PRKD1: variants seen among roughly 807,000 people sequenced by gnomAD.
PRKD1 encodes protein kinase D1, also known as serine/threonine-protein kinase D1.
In PRKD1, 63 loss-of-function variants were observed where a neutral mutation model predicts 95.9. The observed-to-expected ratio is 0.66, with a 90% CI of 0.54 to 0.81. PRKD1 has a LOEUF of 0.81. Ranked by LOEUF, PRKD1 falls within the 30% of genes least tolerant of loss-of-function variation. The probability of loss-of-function intolerance (pLI) is 0.00; values close to 1 mark genes in which losing one functional copy is unlikely to be tolerated. For missense variants in PRKD1, 1,048 were observed against 1,165.3 expected (o/e 0.90, Z 1.47); for synonymous variants, 425 against 423.1 (o/e 1.00, Z -0.05).
intron 1 of PRKD1, among the ~76,000 whole-genome samples, chr14:29,747,736 C>T (rs199521052): frequency 6.6e-6 from 1 of 151,984 alleles, no homozygotes; most frequent in African/African-American, 2.4e-5. Flanking sequence ...CCTTTTTTTA[C>T]TTTATTAATT....
chr14:29,675,807 G>T (rs1348436126), intron 2 of PRKD1, among the ~76,000 whole-genome samples: 13 of 152,120 alleles, frequency 8.5e-5, no homozygotes, highest in South Asian at 2.1e-4. Flanking sequence ...CCATAAAAAA[G>T]GATGAGTTCA....
intron 13 of PRKD1, among the ~76,000 whole-genome samples, chr14:29,621,026 T>A (rs1044008526): frequency 2.0e-5 from 3 of 151,886 alleles, no homozygotes; most frequent in Non-Finnish European, 4.4e-5. Flanking sequence ...AATGATGAGT[T>A]CATGTCCTTT....
At chr14:29,870,616 T>C (rs1893070253) in intron 1 of PRKD1, among the ~76,000 whole-genome samples, 1 of 152,216 alleles carries the variant, frequency 6.6e-6, no homozygotes, top group South Asian at 2.1e-4. Context: ...TCCTTTCATT[T>C]GCTTTGTAAT....
intron 1 of PRKD1, among the ~76,000 whole-genome samples, chr14:29,883,834 T>G (rs1893601854): frequency 6.6e-6 from 1 of 152,304 alleles, no homozygotes; most frequent in East Asian, 1.9e-4. Context: ...TTATGAAAAC[T>G]TCTGCAATCT....
At chr14:29,835,606 T>G (rs1301867698) in intron 1 of PRKD1, among the ~76,000 whole-genome samples, 1 of 152,204 alleles carries the variant, frequency 6.6e-6, no homozygotes, top group African/African-American at 2.4e-5. Flanking sequence ...AGTCTTGCTC[T>G]GTCTCCCAGG....
intron 1 of PRKD1, among the ~76,000 whole-genome samples, chr14:29,836,134 G>T (rs1594563669): frequency 1.3e-5 from 2 of 152,098 alleles, no homozygotes; most frequent in South Asian, 2.1e-4. Context: ...TACAGAGAAG[G>T]CATTTCAAAC....
intron 1 of PRKD1, among the ~76,000 whole-genome samples, chr14:29,913,264 G>A (rs1894783169): frequency 6.6e-6 from 1 of 152,198 alleles, no homozygotes; most frequent in African/African-American, 2.4e-5. Flanking sequence ...TCTATGAAAT[G>A]TAAGTTTTAC....
intron 1 of PRKD1, among the ~76,000 whole-genome samples, chr14:29,813,284 T>A (rs1206332051): frequency 6.6e-6 from 1 of 152,238 alleles, no homozygotes; most frequent in African/African-American, 2.4e-5. Context: ...TTTAAAATGT[T>A]AAATTCTTGA....
intron 16 of PRKD1, among the ~76,000 whole-genome samples, chr14:29,584,788 G>A (rs1409499403): frequency 6.6e-6 from 1 of 152,166 alleles, no homozygotes; most frequent in Non-Finnish European, 1.5e-5. Context: ...TAAGATCAGT[G>A]ACTTCTTTTA....
intron 1 of PRKD1, among the ~76,000 whole-genome samples, chr14:29,782,609 C>T (rs1293410208): frequency 6.6e-6 from 1 of 152,094 alleles, no homozygotes; most frequent in African/African-American, 2.4e-5. Flanking sequence ...TGGGTCACTG[C>T]AGCCTCCACC....
At chr14:29,827,370 G>A (rs1891239150) in intron 1 of PRKD1, among the ~76,000 whole-genome samples, 1 of 152,098 alleles carries the variant, frequency 6.6e-6, no homozygotes, top group African/African-American at 2.4e-5. Context: ...GCAACAGCAT[G>A]TGGGAGTTAT....
Position 29,662,363 on chromosome 14 carries a change from C to A in PRKD1, c.696+1336G>T, listed in dbSNP as rs189880807. ...AAGATGACATAGGATTATTTTAAAA[C>A]ACAGACTTTGACTTAAGCACTTATC... On this transcript the variant is annotated intron_variant, in intron 4 of 17. Coordinates refer to ENST00000331968, the MANE Select transcript of PRKD1 (RefSeq NM_002742.3). Among the ~76,000 whole-genome samples, 27 of 152,192 alleles carry A rather than the reference C, an allele frequency of 1.8e-4. 2 individuals carry two copies. In the East Asian group the frequency reaches 4.8e-3, roughly 27 times the overall value.
chr14:29,630,571 C>A, intron 10 of PRKD1, 171 bp downstream of exon 10: 1 of 722,748 alleles, frequency 1.4e-6, no homozygotes, highest in South Asian at 2.1e-5. Context: ...AACTAAACAT[C>A]TTAGTATGTG....
chr14:29,762,353 C>T (rs972155628), intron 1 of PRKD1, among the ~76,000 whole-genome samples: 2 of 152,122 alleles, frequency 1.3e-5, no homozygotes, highest in Non-Finnish European at 2.9e-5. Flanking sequence ...CTCCAGCCAC[C>T]ACTCTGCATG....
intron 1 of PRKD1, among the ~76,000 whole-genome samples, chr14:29,853,920 T>C (rs1466398953): frequency 6.6e-6 from 1 of 152,190 alleles, no homozygotes; most frequent in Non-Finnish European, 1.5e-5. Flanking sequence ...CCATGTAAGA[T>C]GTAACTTGCT....
chr14:29,894,395 G>A (rs1471166060), intron 1 of PRKD1, among the ~76,000 whole-genome samples: 1 of 152,224 alleles, frequency 6.6e-6, no homozygotes, highest in African/African-American at 2.4e-5. Context: ...TCCTCAGTTG[G>A]AAGCCAGAAG....
intron 1 of PRKD1, among the ~76,000 whole-genome samples, chr14:29,921,314 G>A (rs907092214): frequency 1.3e-5 from 2 of 151,776 alleles, no homozygotes; most frequent in Non-Finnish European, 2.9e-5. Context: ...ACAGAGGGCA[G>A]GAAAAAGATG....
rs1040842441 is a variant in PRKD1 at position 29,912,415 on chromosome 14, CCT to C, written c.264+14832_264+14833del. Among the ~76,000 whole-genome samples the C allele has an allele frequency of 4.6e-5, 7 of 152,210 alleles. No individual in the cohort carries two copies. In the East Asian group the frequency reaches 7.7e-4, roughly 17 times the overall value. ...GTTCCTTTTCAAGTGGCTTTTGTCC[CCT>C]GACTTGCATTATTTTTCAGAGCCAG... On this transcript the variant is annotated intron_variant, in intron 1 of 17. Coordinates refer to ENST00000331968, the MANE Select transcript of PRKD1 (RefSeq NM_002742.3).
At chr14:29,697,821 CT>C (rs1884613665) in intron 2 of PRKD1, among the ~76,000 whole-genome samples, 1 of 151,980 alleles carries the variant, frequency 6.6e-6, no homozygotes, top group African/African-American at 2.4e-5. Flanking sequence ...AATTGTATAA[CT>C]CCCACGACTT....
Sources: gnomAD v4.1 joint callset for allele counts (sites outside exome capture counted in the v4.1 genomes callset) on GRCh38, gnomAD v4.1.1 for gene constraint, MANE v1.5 for transcripts, NCBI Gene and HGNC (gene_info 2026-07-23, HGNC 2026-07-21) for gene names.